The following RASAL2 variants were observed in gnomAD, a reference collection of about 807,000 sequenced individuals.
The protein encoded by RASAL2 is RAS protein activator like 2.
In RASAL2, 58 loss-of-function variants were observed where a neutral mutation model predicts 128.9. The ratio of observed to expected loss-of-function variants is 0.45; its 90% CI spans 0.36 to 0.56. RASAL2 has a LOEUF of 0.56. RASAL2 is among the 20% of genes least tolerant of loss of function. The probability of loss-of-function intolerance (pLI) is 0.00; values close to 1 mark genes in which losing one functional copy is unlikely to be tolerated. For synonymous variants in RASAL2, 561 were observed against 580.8 expected, an observed-to-expected ratio of 0.97 and a Z score of 0.49; for missense variants, 1,360 against 1,601.6, an observed-to-expected ratio of 0.85 and a Z score of 2.57.
At chr1:178,372,211 C>T in intron 3 of RASAL2, 1 of 985,246 alleles carries the variant, frequency 1.0e-6, no homozygotes, top group Non-Finnish European at 1.2e-6. Flanking sequence ...AGTAATTGTG[C>T]TCTGTATGGA....
At chr1:178,307,144 TAA>T (rs1236417780) in intron 3 of RASAL2, among the ~76,000 whole-genome samples, 1 of 152,074 alleles carries the variant, frequency 6.6e-6, no homozygotes, top group Non-Finnish European at 1.5e-5. Flanking sequence ...GCACACAGAA[TAA>T]AGATTGCTTA....
At chr1:178,159,661 A>C (rs542998728) in intron 1 of RASAL2, among the ~76,000 whole-genome samples, 10 of 151,896 alleles carry the variant, frequency 6.6e-5, no homozygotes, top group Non-Finnish European at 1.3e-4. Context: ...GGGTGCGGTG[A>C]CTCATGCCTG....
chr1:178,383,432 T>C (rs906228838), intron 3 of RASAL2, among the ~76,000 whole-genome samples: 2 of 152,218 alleles, frequency 1.3e-5, no homozygotes, highest in Non-Finnish European at 2.9e-5. Context: ...ACCCAGGTGC[T>C]ATAGTGTTAG....
intron 3 of RASAL2, among the ~76,000 whole-genome samples, chr1:178,319,794 C>T (rs1440224292): frequency 2.0e-5 from 3 of 152,272 alleles, no homozygotes; most frequent in East Asian, 1.9e-4. Context: ...TCTCTCAGCT[C>T]GTCAAAGTCA....
intron 3 of RASAL2, among the ~76,000 whole-genome samples, chr1:178,321,851 G>T (rs535581058): frequency 2.6e-5 from 4 of 152,014 alleles, no homozygotes; most frequent in East Asian, 3.9e-4. Flanking sequence ...AGCTGGGTGA[G>T]GTGGTGCATG....
At chr1:178,458,955 G>T (rs1677983941) in intron 14 of RASAL2, among the ~76,000 whole-genome samples, 1 of 152,020 alleles carries the variant, frequency 6.6e-6, no homozygotes, top group Non-Finnish European at 1.5e-5. Context: ...TGCATTCCGA[G>T]CCAAGAGTTT....
At position 178,383,619 on chromosome 1, in the gene RASAL2, A is replaced by G. The variant is rs1263590739; in HGVS notation, c.458-6481A>G. Among the ~76,000 whole-genome samples the G allele has an allele frequency of 2.0e-5, 3 of 152,154 alleles. No individual in the cohort carries two copies. The East Asian group carries it at 5.8e-4, about 29-fold the overall frequency. On this transcript the variant is annotated intron_variant, in intron 3 of 17. Coordinates refer to ENST00000367649, the MANE Select transcript of RASAL2 (RefSeq NM_170692.4). ...TTTGTTTCACAATTTGCCATTTGTT[A>G]TTAAAGCCCCTCTACTGAAGAGCTA...
intron 4 of RASAL2, among the ~76,000 whole-genome samples, chr1:178,418,905 A>G (rs777719211): frequency 6.6e-6 from 1 of 152,218 alleles, no homozygotes; most frequent in Non-Finnish European, 1.5e-5. Flanking sequence ...AGAAGCCCAG[A>G]TAGCCTCCCT....
intron 3 of RASAL2, among the ~76,000 whole-genome samples, chr1:178,329,760 C>T (rs566856724): frequency 1.3e-5 from 2 of 151,902 alleles, no homozygotes; most frequent in Admixed American, 6.6e-5. Context: ...TCAGGAGGAT[C>T]GCTTAAGCCC....
intron 2 of RASAL2, among the ~76,000 whole-genome samples, chr1:178,292,035 C>CA (rs34317624): frequency 0.12 from 7,017 of 58,478 alleles, 633 homozygotes; most frequent in African/African-American, 0.24. Flanking sequence ...GACTTTGTCT[C>CA]AAAAAAAAAA....
At chr1:178,247,075 C>A (rs984776095) in intron 1 of RASAL2, among the ~76,000 whole-genome samples, 3 of 152,154 alleles carry the variant, frequency 2.0e-5, no homozygotes, top group African/African-American at 7.2e-5. Flanking sequence ...ATGATGCTGG[C>A]CTCATAAAAT....
intron 1 of RASAL2, among the ~76,000 whole-genome samples, chr1:178,158,331 G>C (rs772734953): frequency 2.6e-5 from 4 of 151,598 alleles, no homozygotes; most frequent in Non-Finnish European, 5.9e-5. Flanking sequence ...ACAAAGTAGT[G>C]GACTAAGTCT....
At chr1:178,312,150 C>A (rs971694658) in intron 3 of RASAL2, among the ~76,000 whole-genome samples, 1 of 152,046 alleles carries the variant, frequency 6.6e-6, no homozygotes, top group Non-Finnish European at 1.5e-5. Flanking sequence ...GGGAGCAAAA[C>A]CCTAGCAAAA....
intron 2 of RASAL2, among the ~76,000 whole-genome samples, chr1:178,289,321 A>G (rs1165857414): frequency 6.6e-6 from 1 of 152,038 alleles, no homozygotes; most frequent in Non-Finnish European, 1.5e-5. Flanking sequence ...GTTTCTTTTG[A>G]GTCATCTTTA....
intron 1 of RASAL2, among the ~76,000 whole-genome samples, chr1:178,130,930 T>C (rs1195142707): frequency 6.6e-6 from 1 of 151,948 alleles, no homozygotes; most frequent in Non-Finnish European, 1.5e-5. Flanking sequence ...GGTGGGTGCC[T>C]GTAGTCCCAG....
At chr1:178,408,836 G>A (rs1220119592) in intron 4 of RASAL2, among the ~76,000 whole-genome samples, 1 of 152,136 alleles carries the variant, frequency 6.6e-6, no homozygotes, top group Non-Finnish European at 1.5e-5. Flanking sequence ...AAGGGTTCCG[G>A]TGTGAGGCTA....
At position 178,458,452 on chromosome 1, in the gene RASAL2, C is replaced by T; in HGVS notation, c.3160C>T (p.Gln1054Ter). Residue 1054 changes from glutamine to a stop codon, truncating the protein, a stop_gained, in exon 14 of 18, where the codon CAG becomes TAG. Transcript: ENST00000367649. LOFTEE classifies it high-confidence loss of function. ...CGCAGCCCTGGTGGCCGAACCTGTG[C>T]AGAATGGGAGCCGGTCCCGGCAGCA... is the stretch of plus-strand genomic sequence containing the variant. ...VSAALVAEPV[Q>*]NGSRSRQQSS... 6.2e-7 allele frequency: 1 copy of T among 1,614,182 alleles called. No homozygotes were observed. The highest frequency in any genetic ancestry group is 2.2e-5 in the East Asian group (1 of 44,880).
intron 1 of RASAL2, among the ~76,000 whole-genome samples, chr1:178,110,642 A>AG (rs1659280944): frequency 9.6e-5 from 4 of 41,814 alleles, no homozygotes; most frequent in Non-Finnish European, 1.6e-4. Flanking sequence ...GTATACATAT[A>AG]TATATATATA....
intron 1 of RASAL2, among the ~76,000 whole-genome samples, chr1:178,249,452 C>G (rs150533064): frequency 8.9e-4 from 135 of 152,114 alleles, no homozygotes; most frequent in African/African-American, 2.7e-3. Flanking sequence ...AACCTTTTGT[C>G]AAGGTTCTTA....
Sources: allele counts gnomAD v4.1 joint callset (sites outside exome capture counted in the v4.1 genomes callset), GRCh38; gene constraint gnomAD v4.1.1; transcripts MANE v1.5; gene names NCBI Gene and HGNC (gene_info 2026-07-23, HGNC 2026-07-21).